GPR137B: variants seen among roughly 807,000 people sequenced by gnomAD.
The protein encoded by GPR137B is G protein-coupled receptor 137B, also known as integral membrane protein GPR137B.
Under a neutral mutation model 42.5 loss-of-function variants are expected in GPR137B, and 42 were observed. That is an observed-to-expected ratio of 0.99 (90% CI 0.77 to 1.28). GPR137B has a LOEUF of 1.28. Ranked by LOEUF, GPR137B falls within the 50% of genes most tolerant of loss-of-function variation. GPR137B has a pLI of 0.00. For synonymous variants in GPR137B, 218 were observed against 209.7 expected (o/e 1.04, Z -0.34); for missense variants, 487 against 493.9 (o/e 0.99, Z 0.13).
At chr1:236,180,108 A>G in intron 4 of GPR137B, 80 bp downstream of exon 4, 1 of 1,165,094 alleles carries the variant, frequency 8.6e-7, no homozygotes, top group Non-Finnish European at 1.3e-6. Context: ...GACCCCAGAA[A>G]ATACCAAAAT....
chr1:236,204,337 A>G (rs1663586726), intron 5 of GPR137B, among the ~76,000 whole-genome samples: 1 of 152,218 alleles, frequency 6.6e-6, no homozygotes, highest in Non-Finnish European at 1.5e-5. Flanking sequence ...TTTTGCATCA[A>G]TATTTATCAG....
chr1:236,165,671 C>T (rs1437625835), intron 1 of GPR137B, among the ~76,000 whole-genome samples: 1 of 152,164 alleles, frequency 6.6e-6, no homozygotes, highest in Non-Finnish European at 1.5e-5. Flanking sequence ...CCCGGGAACA[C>T]TCATTAGGAA....
In GPR137B at chr1:236,178,785, G is replaced by GTT. The variant is rs3082534; in HGVS notation, c.687+178_687+179dup. 94 of 49,480 alleles carry GTT rather than the reference G, an allele frequency of 1.9e-3. 9 individuals carry two copies. Among genetic ancestry groups the GTT allele is most frequent in the South Asian group, 5.6e-3 (19 of 3,368 alleles). The allele number at this position is 49,480 out of a possible 1,614,324, so 3.1% of individuals were successfully genotyped here. Reference sequence around the variant, plus strand: ...GTCTCCCACACAGGGGCTACTCGAGGTTTTTTTTTTTTTTTTTTTTTTTTT... The same window carrying GTT: ...GTCTCCCACACAGGGGCTACTCGAGGTTTTTTTTTTTTTTTTTTTTTTTTTTT... On this transcript the variant is annotated intron_variant, in intron 3 of 6. Coordinates refer to ENST00000366592, the MANE Select transcript of GPR137B (RefSeq NM_003272.4).
chr1:236,160,511 T>C (rs1175346631), intron 1 of GPR137B, among the ~76,000 whole-genome samples: 1 of 152,146 alleles, frequency 6.6e-6, no homozygotes, highest in African/African-American at 2.4e-5. Flanking sequence ...CCTCTCCCTG[T>C]CTGCCCTTCT....
At chr1:236,201,588 G>A (rs1663496481) in intron 5 of GPR137B, among the ~76,000 whole-genome samples, 1 of 151,988 alleles carries the variant, frequency 6.6e-6, no homozygotes, top group South Asian at 2.1e-4. Context: ...TATCCTCCAA[G>A]TGCGTCTTTC....
chr1:236,178,600 T>C lies in GPR137B; in HGVS notation c.651T>C (p.Ser217=), dbSNP rs1571988470. 2 of 1,611,992 alleles carry C rather than the reference T, an allele frequency of 1.2e-6. No individual in the cohort carries two copies. Among genetic ancestry groups the C allele is most frequent in the South Asian group, 2.2e-5 (2 of 90,986 alleles). ...VSLSICLYKI[S]KMSLANIYLE... The stretch of plus-strand genomic sequence containing the variant: ...TCTCCATCTGTCTCTACAAAATCTC[T>C]AAGATGTCCTTAGCCAACATTTACT... The change falls in exon 3 of 7, where the codon TCT becomes TCC. Residue 217 remains serine (S), a synonymous_variant. Coordinates refer to ENST00000366592, the MANE Select transcript of GPR137B (RefSeq NM_003272.4).
intron 2 of GPR137B, among the ~76,000 whole-genome samples, chr1:236,169,681 C>T (rs903031064): frequency 3.3e-5 from 5 of 151,930 alleles, no homozygotes; most frequent in Non-Finnish European, 7.4e-5. Flanking sequence ...TGGAGGGGTT[C>T]GTAGCTCTCC....
chr1:236,201,706 T>C (rs983984052), intron 5 of GPR137B, among the ~76,000 whole-genome samples: 33 of 152,132 alleles, frequency 2.2e-4, no homozygotes, highest in African/African-American at 7.7e-4. Flanking sequence ...CACCTTTCTC[T>C]GGTATCTCTT....
intron 1 of GPR137B, among the ~76,000 whole-genome samples, chr1:236,151,945 G>T (rs1279418438): frequency 6.6e-6 from 1 of 152,068 alleles, no homozygotes; most frequent in Non-Finnish European, 1.5e-5. Flanking sequence ...CATTTTTAGT[G>T]CATGAGTGGT....
intron 4 of GPR137B, among the ~76,000 whole-genome samples, chr1:236,183,021 T>TTA (rs1291858028): frequency 6.6e-6 from 1 of 152,148 alleles, no homozygotes; most frequent in East Asian, 1.9e-4. Flanking sequence ...AAGTATGATG[T>TTA]TATAGAGAAG....
chr1:236,178,373 C>G (rs779370340), intron 2 of GPR137B, 41 bp from the exon 3 acceptor site: 1 of 1,186,136 alleles, frequency 8.4e-7, no homozygotes, highest in Admixed American at 1.7e-5. Context: ...TCTAGACTGA[C>G]CTGGGATGTG....
chr1:236,180,456 G>C (rs750693615), intron 4 of GPR137B, among the ~76,000 whole-genome samples: 1 of 152,056 alleles, frequency 6.6e-6, no homozygotes. Flanking sequence ...GACCTTGAGA[G>C]GTCACTTCCC....
Position 236,205,169 on chromosome 1 carries a change from C to G in GPR137B, c.1010C>G (p.Ser337Cys). ...CCCAGCCATGGATTCAGTCCCAGAT[C>G]TTATTTCTTTGACAACCCTCGAAGA... ...MVPSHGFSPRSYFFDNPRRYD... is the reference protein window; with the variant it reads ...MVPSHGFSPRCYFFDNPRRYD... Residue 337 changes from serine (S) to cysteine (C), a missense_variant, in exon 6 of 7, where the codon TCT (serine) becomes TGT (cysteine). Coordinates refer to ENST00000366592, the MANE Select transcript of GPR137B (RefSeq NM_003272.4). 6.2e-7 allele frequency: 1 copy of G among 1,612,978 alleles called. No individual in the cohort carries two copies. Among genetic ancestry groups the G allele is most frequent in the South Asian group, 1.1e-5 (1 of 91,024 alleles).
rs1000916405 is a variant in GPR137B at position 236,170,173 on chromosome 1, A to G, written c.464+1418A>G. 1.4e-4 allele frequency among the ~76,000 whole-genome samples: 21 copies of G among 152,162 alleles called. 1 individual carries two copies. In the East Asian group the frequency reaches 4.1e-3, roughly 29 times the overall value. On this transcript the variant is annotated intron_variant, in intron 2 of 6. Transcript: ENST00000366592. ...TGGCGTTTCTGCCCGGGAGAACTCC[A>G]TTGCCAACGGCAAACATTTCTGAAA...
chr1:236,168,586 A>C lies in GPR137B; in HGVS notation c.415-120A>C, dbSNP rs971308916. ...TGGCATAACAAACGTGGACATTTCAATTATAAAAAACGTGCCCAGCGCTGG... is the reference window on the plus strand; with the variant it reads ...TGGCATAACAAACGTGGACATTTCACTTATAAAAAACGTGCCCAGCGCTGG... On this transcript the variant is annotated intron_variant, in intron 1 of 6. Transcript: ENST00000366592. 4.1e-6 allele frequency: 3 copies of C among 738,280 alleles called. No homozygotes were observed. In the African/African-American group the frequency reaches 5.2e-5, roughly 13 times the overall value. The allele number at this position is 738,280 out of a possible 1,614,324, so 45.7% of individuals were successfully genotyped here.
At chr1:236,207,286 C>G (rs1441288055) in intron 6 of GPR137B, 29 of 985,280 alleles carry the variant, frequency 2.9e-5, no homozygotes, top group Non-Finnish European at 3.5e-5. Context: ...AGAACGTAAG[C>G]TGGAAGCAAG....
In GPR137B at chr1:236,178,459, G is replaced by A. The variant is rs1341941116; in HGVS notation, c.510G>A (p.Leu170=). 20 of 1,613,812 alleles carry A rather than the reference G, an allele frequency of 1.2e-5. No individual in the cohort carries two copies. The highest frequency in any genetic ancestry group is 4.0e-5 in the African/African-American group (3 of 74,876). The stretch of plus-strand genomic sequence containing the variant: ...CCCTCTTCATCAGCCTTGTTTTCCT[G>A]TTGGTGAATTTAACCTGTGCTGTGC... The part of the protein sequence containing the change: ...LASLFISLVF[L]LVNLTCAVLV... The change falls in exon 3 of 7, where the codon CTG becomes CTA. Residue 170 remains leucine, a synonymous_variant. Coordinates refer to ENST00000366592, the MANE Select transcript of GPR137B (RefSeq NM_003272.4).
At chr1:236,182,889 C>A (rs1324765322) in intron 4 of GPR137B, among the ~76,000 whole-genome samples, 1 of 151,962 alleles carries the variant, frequency 6.6e-6, no homozygotes, top group Admixed American at 6.6e-5. Context: ...AAACAAATGA[C>A]CACAGTTGTA....
intron 1 of GPR137B, among the ~76,000 whole-genome samples, chr1:236,162,811 A>G (rs973468446): frequency 1.3e-5 from 2 of 152,186 alleles, no homozygotes; most frequent in Non-Finnish European, 2.9e-5. Context: ...CCCAGGCAAA[A>G]GTTTGCTGTG....
Sources: allele counts gnomAD v4.1 joint callset (sites outside exome capture counted in the v4.1 genomes callset), GRCh38; gene constraint gnomAD v4.1.1; transcripts MANE v1.5; gene names NCBI Gene and HGNC (gene_info 2026-07-23, HGNC 2026-07-21).